The following EFL1 variants were observed in gnomAD, a reference collection of about 807,000 sequenced individuals.
EFL1 encodes elongation factor-like GTPase 1.
A neutral mutation model predicts 126.7 loss-of-function variants in EFL1; 76 were observed. That is an observed-to-expected ratio of 0.60 (90% CI 0.50 to 0.73). The LOEUF (loss-of-function observed/expected upper bound fraction) is 0.73, where lower values mean the gene tolerates loss of function less well. Ranked by LOEUF, EFL1 falls within the 30% of genes least tolerant of loss-of-function variation. The probability of loss-of-function intolerance (pLI) is 0.00; values close to 1 mark genes in which losing one functional copy is unlikely to be tolerated. For missense variants in EFL1, 1,128 were observed against 1,343.2 expected, an observed-to-expected ratio of 0.84 and a Z score of 2.50; for synonymous variants, 410 against 448.4, an observed-to-expected ratio of 0.91 and a Z score of 1.08.
At chr15:82,131,576 A>G (rs2073645312) in intron 19 of EFL1, among the ~76,000 whole-genome samples, 1 of 152,194 alleles carries the variant, frequency 6.6e-6, no homozygotes, top group Admixed American at 6.5e-5. Context: ...GGATCATCTG[A>G]GGTCAGGAGT....
intron 4 of EFL1, among the ~76,000 whole-genome samples, chr15:82,247,723 T>C (rs7168667): frequency 0.039 from 5,940 of 152,120 alleles, 207 homozygotes; most frequent in African/African-American, 0.086. Flanking sequence ...TGTTTGTTTC[T>C]CTTGGAATGT....
intron 2 of EFL1, among the ~76,000 whole-genome samples, chr15:82,260,162 A>C (rs2141346746): frequency 6.6e-6 from 1 of 152,332 alleles, no homozygotes; most frequent in African/African-American, 2.4e-5. Context: ...GTAGCAGCTT[A>C]ACATAATTTT....
chr15:82,169,135 T>A (rs1264838693), intron 15 of EFL1, among the ~76,000 whole-genome samples: 1 of 152,012 alleles, frequency 6.6e-6, no homozygotes, highest in Admixed American at 6.6e-5. Context: ...AGTGTGGGGG[T>A]CTAGGATTAA....
At chr15:82,173,561 A>G (rs2074159327) in intron 15 of EFL1, among the ~76,000 whole-genome samples, 1 of 152,206 alleles carries the variant, frequency 6.6e-6, no homozygotes, top group South Asian at 2.1e-4. Flanking sequence ...TAAAAAGTGA[A>G]TGATTGTTTC....
At chr15:82,197,024 T>C (rs1175519480) in intron 15 of EFL1, among the ~76,000 whole-genome samples, 1 of 142,006 alleles carries the variant, frequency 7.0e-6, no homozygotes, top group Admixed American at 7.0e-5. Flanking sequence ...AGAGCAAAAC[T>C]CCAACTTAAA....
At chr15:82,216,994 A>G (rs1343228019) in intron 14 of EFL1, among the ~76,000 whole-genome samples, 1 of 152,176 alleles carries the variant, frequency 6.6e-6, no homozygotes, top group African/African-American at 2.4e-5. Context: ...ATAAAGTACC[A>G]TAATAGAAAA....
chr15:82,241,359 C>T lies in EFL1; in HGVS notation c.289G>A (p.Val97Met), dbSNP rs368173835. 1.2e-5 allele frequency: 20 copies of T among 1,613,892 alleles called. No homozygotes were observed. Among genetic ancestry groups the T allele is most frequent in the Admixed American group, 5.0e-5 (3 of 59,998 alleles). ...LINLIDSPGH[V>M]DFSSEVSTAV... ...GTTGATACTTCTGAGGAAAAGTCCA[C>T]GTGTCCTGGAGAGTCTATCAGATTG... Residue 97 changes from valine (V) to methionine (M), a missense_variant, in exon 5 of 20, where the codon GTG becomes ATG. Physicochemically the swap from Val to Met is conservative, Grantham distance 21. Transcript: ENST00000268206.
chr15:82,244,447 G>A (rs772214154), intron 4 of EFL1, among the ~76,000 whole-genome samples: 2 of 152,184 alleles, frequency 1.3e-5, no homozygotes, highest in South Asian at 2.1e-4. Flanking sequence ...TGATCTTTCC[G>A]ATTTGTAACA....
chr15:82,149,814 GA>G (rs931319858), intron 18 of EFL1, among the ~76,000 whole-genome samples: 8 of 152,088 alleles, frequency 5.3e-5, no homozygotes, highest in African/African-American at 1.9e-4. Flanking sequence ...GCTCAATATA[GA>G]AAAAAACACC....
At chr15:82,136,583 T>A (rs1458112532) in intron 19 of EFL1, among the ~76,000 whole-genome samples, 2 of 152,224 alleles carry the variant, frequency 1.3e-5, no homozygotes, top group Non-Finnish European at 2.9e-5. Flanking sequence ...GATGCTGTAA[T>A]GATTTTTTCA....
At chr15:82,227,806 G>A (rs972769251) in intron 10 of EFL1, among the ~76,000 whole-genome samples, 2 of 152,164 alleles carry the variant, frequency 1.3e-5, no homozygotes, top group African/African-American at 2.4e-5. Context: ...TTAACACTGA[G>A]GCCCATGAAA....
At chr15:82,186,456 A>T (rs909287323) in intron 15 of EFL1, among the ~76,000 whole-genome samples, 25 of 152,352 alleles carry the variant, frequency 1.6e-4, no homozygotes, top group African/African-American at 6.0e-4. Flanking sequence ...ATGCTCTGGC[A>T]GTTAAACACT....
At chr15:82,247,711 G>A (rs546022889) in intron 4 of EFL1, among the ~76,000 whole-genome samples, 4 of 152,134 alleles carry the variant, frequency 2.6e-5, no homozygotes, top group Admixed American at 6.5e-5. Context: ...AGGATGTAGC[G>A]ATGTTTGTTT....
intron 15 of EFL1, among the ~76,000 whole-genome samples, chr15:82,195,706 T>G (rs1274971220): frequency 6.6e-6 from 1 of 152,320 alleles, no homozygotes; most frequent in South Asian, 2.1e-4. Context: ...AAACTTCTAT[T>G]CCATTTCTGT....
At chr15:82,149,517 C>T (rs1280410024) in intron 18 of EFL1, among the ~76,000 whole-genome samples, 1 of 152,094 alleles carries the variant, frequency 6.6e-6, no homozygotes, top group Non-Finnish European at 1.5e-5. Flanking sequence ...ACAGTGTAGA[C>T]ACAGACATGT....
chr15:82,235,052 G>A (rs1179423591), intron 7 of EFL1, among the ~76,000 whole-genome samples: 1 of 152,038 alleles, frequency 6.6e-6, no homozygotes. Flanking sequence ...AAGAAATAAG[G>A]ATCCTTATAC....
At chr15:82,199,383 G>A (rs2074443721) in intron 15 of EFL1, among the ~76,000 whole-genome samples, 1 of 152,218 alleles carries the variant, frequency 6.6e-6, no homozygotes, top group Non-Finnish European at 1.5e-5. Flanking sequence ...AAGGCCAAGG[G>A]CATAAGTCTT....
chr15:82,172,266 G>T (rs939214928), intron 15 of EFL1, among the ~76,000 whole-genome samples: 12 of 152,168 alleles, frequency 7.9e-5, no homozygotes, highest in Non-Finnish European at 8.8e-5. Context: ...AGAATAAGCT[G>T]CATTATTCAT....
At chr15:82,230,475 A>G (rs1501367) in intron 8 of EFL1, among the ~76,000 whole-genome samples, 69,526 of 151,804 alleles carry the variant, frequency 0.46, 16,350 homozygotes, top group African/African-American at 0.5. Flanking sequence ...GACACTAGAA[A>G]GACAGTGTGA....
Sources: gnomAD v4.1 joint callset for allele counts (sites outside exome capture counted in the v4.1 genomes callset) on GRCh38, gnomAD v4.1.1 for gene constraint, MANE v1.5 for transcripts, NCBI Gene and HGNC (gene_info 2026-07-23, HGNC 2026-07-21) for gene names.